The following PTPRF variants were observed in gnomAD, a reference collection of about 807,000 sequenced individuals.
PTPRF encodes the protein receptor-type tyrosine-protein phosphatase F.
A neutral mutation model predicts 201.8 loss-of-function variants in PTPRF; 59 were observed. The observed-to-expected ratio is 0.29, with a 90% CI of 0.24 to 0.36. PTPRF has a LOEUF of 0.36. Among genes scored for constraint, PTPRF ranks in the 10% least tolerant of loss-of-function variants. PTPRF has a pLI of 1.00. For missense variants in PTPRF, 2,132 were observed against 2,690.5 expected (o/e 0.79, Z 4.59); for synonymous variants, 1,088 against 1,089.7 (o/e 1.00, Z 0.03).
chr1:43,617,179 C>T (rs1263578478), intron 23 of PTPRF, among the ~76,000 whole-genome samples: 1 of 152,156 alleles, frequency 6.6e-6, no homozygotes, highest in African/African-American at 2.4e-5. Flanking sequence ...AGAGACCCTT[C>T]ACCTGCCCCA....
At chr1:43,577,656 C>T (rs1000917297) in intron 6 of PTPRF, among the ~76,000 whole-genome samples, 5 of 152,130 alleles carry the variant, frequency 3.3e-5, no homozygotes, top group African/African-American at 9.7e-5. Context: ...AGGGGGGGCC[C>T]GGCAGCTTCT....
rs1644655263 is a variant in PTPRF at position 43,546,089 on chromosome 1, G to A, written c.91+923G>A. Among the ~76,000 whole-genome samples the A allele has an allele frequency of 6.6e-6, 1 of 152,144 alleles. No individual in the cohort carries two copies. Among genetic ancestry groups the A allele is most frequent in the Admixed American group, 6.5e-5 (1 of 15,280 alleles). ...AGGGGTGATCCAGGGCCAACCCTGGGGTCAGCCCACGGGTCACCAGGCCAT... is the reference window on the plus strand; with the variant it reads ...AGGGGTGATCCAGGGCCAACCCTGGAGTCAGCCCACGGGTCACCAGGCCAT... On this transcript the variant is annotated intron_variant, in intron 3 of 33. Transcript: ENST00000359947. The surrounding 1 kb of genome is among the most constrained non-coding windows in gnomAD (Gnocchi z 4.2).
At chr1:43,533,212 C>T (rs938625647) in intron 1 of PTPRF, among the ~76,000 whole-genome samples, 1 of 152,064 alleles carries the variant, frequency 6.6e-6, no homozygotes, top group Non-Finnish European at 1.5e-5. Context: ...CTTCTTCTTG[C>T]AACTACTGAT....
At chr1:43,543,805 G>A (rs1180799068) in intron 2 of PTPRF, among the ~76,000 whole-genome samples, 1 of 151,928 alleles carries the variant, frequency 6.6e-6, no homozygotes, top group Non-Finnish European at 1.5e-5. Context: ...TATCACTGTG[G>A]GGCCCCAAGG....
In PTPRF at chr1:43,573,977, C is replaced by CTTTT. The variant is rs77543816; in HGVS notation, c.568+4232_568+4235dup. Reference sequence around the variant, plus strand: ...CAAAGAGGGTTTGCTTGTGTGGGTTCTTTTTTTTTTTTTTTTTTTTTTTTT... The same window carrying CTTTT: ...CAAAGAGGGTTTGCTTGTGTGGGTTCTTTTTTTTTTTTTTTTTTTTTTTTTTTTT... On this transcript the variant is annotated intron_variant, in intron 6 of 33. Transcript: ENST00000359947. Among the ~76,000 whole-genome samples, 44 of 63,920 alleles carry CTTTT rather than the reference C, an allele frequency of 6.9e-4. 10 individuals are homozygous for CTTTT. Among genetic ancestry groups the CTTTT allele is most frequent in the East Asian group, 3.9e-3 (6 of 1,520 alleles). The allele number at this position is 63,920 out of a possible 152,430, so 41.9% of individuals were successfully genotyped here.
chr1:43,611,074 G>A (rs1656335295), intron 22 of PTPRF, among the ~76,000 whole-genome samples: 1 of 152,220 alleles, frequency 6.6e-6, no homozygotes, highest in African/African-American at 2.4e-5. Flanking sequence ...TTTCATCCAT[G>A]TGACTGGTGG....
chr1:43,553,880 G>A lies in PTPRF; in HGVS notation c.318G>A (p.Glu106=). Residue 106 remains glutamate, a synonymous_variant, in exon 5 of 34, where the codon GAG becomes GAA. Transcript: ENST00000359947. The surrounding 1 kb of genome is among the most constrained non-coding windows in gnomAD (Gnocchi z 4.1). ...LRVQRDEAIY[E]CTATNSLGEI... ...TGCAGCGAGATGAAGCCATCTATGAGTGTACAGCTACTAACAGCCTGGGTG... is the reference window on the plus strand; with the variant it reads ...TGCAGCGAGATGAAGCCATCTATGAATGTACAGCTACTAACAGCCTGGGTG... 2 of 1,614,178 alleles carry A rather than the reference G, an allele frequency of 1.2e-6. No homozygotes were observed. The highest frequency in any genetic ancestry group is 8.5e-7 in the Non-Finnish European group (1 of 1,180,026).
In PTPRF at chr1:43,546,127, C is replaced by T. The variant is rs554933520; in HGVS notation, c.91+961C>T. Among the ~76,000 whole-genome samples the T allele has an allele frequency of 3.3e-5, 5 of 152,208 alleles. No homozygotes were observed. Among genetic ancestry groups the T allele is most frequent in the African/African-American group, 4.8e-5 (2 of 41,458 alleles). On this transcript the variant is annotated intron_variant, in intron 3 of 33. Transcript: ENST00000359947. The surrounding 1 kb of genome is among the most constrained non-coding windows in gnomAD (Gnocchi z 4.2). Reference sequence around the variant, plus strand: ...GTCACCAGGCCATAGGGCTCCCCCACCTGCCTCCGTATCTCTGGGTACAGA... The same window carrying T: ...GTCACCAGGCCATAGGGCTCCCCCATCTGCCTCCGTATCTCTGGGTACAGA...
chr1:43,618,572 C>T, intron 25 of PTPRF, 58 bp from the exon 26 acceptor site: 1 of 1,562,736 alleles, frequency 6.4e-7, no homozygotes, highest in South Asian at 1.2e-5. Flanking sequence ...CTCCACCCTG[C>T]TTCTGCCCGT....
intron 19 of PTPRF, 129 bp from the exon 20 acceptor site, chr1:43,606,111 C>A: frequency 1.0e-6 from 1 of 976,766 alleles, no homozygotes; most frequent in Non-Finnish European, 1.5e-6. Flanking sequence ...GTGGGTTGGG[C>A]AGGTGTGGGC....
chr1:43,576,109 CT>C (rs1159937961), intron 6 of PTPRF, among the ~76,000 whole-genome samples: 2 of 152,226 alleles, frequency 1.3e-5, no homozygotes, highest in African/African-American at 4.8e-5. Flanking sequence ...TCATTCCCTC[CT>C]GTGGACTCAT....
At chr1:43,538,516 G>T (rs972958646) in intron 2 of PTPRF, among the ~76,000 whole-genome samples, 3 of 152,196 alleles carry the variant, frequency 2.0e-5, no homozygotes, top group African/African-American at 4.8e-5. Flanking sequence ...TAGACAGGAC[G>T]TGGTGAAGGA....
At chr1:43,585,474 C>T (rs1296432437) in intron 7 of PTPRF, among the ~76,000 whole-genome samples, 8 of 152,148 alleles carry the variant, frequency 5.3e-5, no homozygotes, top group Non-Finnish European at 1.2e-4. Context: ...GTGGTGTGCC[C>T]AGGAGCCTCT....
At chr1:43,592,050 G>A (rs899980224) in intron 10 of PTPRF, 102 bp downstream of exon 10, 4 of 1,495,764 alleles carry the variant, frequency 2.7e-6, no homozygotes, top group Non-Finnish European at 3.7e-6. Flanking sequence ...TGGCTTATGT[G>A]GGCACAGCCT....
intron 10 of PTPRF, 25 bp downstream of exon 10, chr1:43,591,973 G>A (rs1650890712): frequency 1.2e-6 from 2 of 1,611,820 alleles, no homozygotes; most frequent in Non-Finnish European, 1.7e-6. Context: ...GAGAAGCACT[G>A]AGGGGGTCTC....
rs776415402 is a variant in PTPRF, at chr1:43,606,472, G to A, written c.3702+14G>A. 2.0e-5 allele frequency: 32 copies of A among 1,603,758 alleles called. No individual in the cohort carries two copies. Among genetic ancestry groups the A allele is most frequent in the South Asian group, 8.9e-5 (8 of 90,350 alleles). On this transcript the variant is annotated intron_variant, in intron 20 of 33. Coordinates refer to ENST00000359947, the MANE Select transcript of PTPRF (RefSeq NM_002840.5). ...CCCATGGACCAGGTCTGCCTGAGCC[G>A]GCTTGGCTGTCAGCACCCTGATTCC...
intron 7 of PTPRF, chr1:43,582,958 C>T (rs1170831552): frequency 1.7e-6 from 1 of 596,646 alleles, no homozygotes; most frequent in Admixed American, 6.3e-5. Context: ...CGTCTCGTCT[C>T]CGTGCTGTGT....
chr1:43,606,856 C>T lies in PTPRF; in HGVS notation c.3745C>T (p.Gln1249Ter). The change falls in exon 21 of 34, where the codon CAG becomes TAG. Residue 1249 changes from glutamine to a stop codon, truncating the protein, a stop_gained. Transcript: ENST00000359947. LOFTEE classifies it high-confidence loss of function. ...SSPYSDEIVV[Q>*]VTPAQQQEEP... ...CCCCTACTCGGATGAGATCGTGGTC[C>T]AGGTGACACCAGCCCAGCAGCAGGA... 1 of 1,614,148 alleles carries T rather than the reference C, an allele frequency of 6.2e-7. No homozygotes were observed. Among genetic ancestry groups the T allele is most frequent in the Non-Finnish European group, 8.5e-7 (1 of 1,180,036 alleles).
chr1:43,579,073 G>A (rs576729486), intron 7 of PTPRF, 153 bp downstream of exon 7: 4 of 775,100 alleles, frequency 5.2e-6, no homozygotes, highest in South Asian at 2.9e-5. Flanking sequence ...AGCAGCAACA[G>A]CTCCCACTGG....
Sources: gnomAD v4.1 joint callset for allele counts (sites outside exome capture counted in the v4.1 genomes callset) on GRCh38, gnomAD v4.1.1 for gene constraint, Gnocchi (gnomAD v3.1) non-coding constraint, MANE v1.5 for transcripts, NCBI Gene and HGNC (gene_info 2026-07-23, HGNC 2026-07-21) for gene names.